The following SLC1A5 variants were observed in gnomAD, a reference collection of about 807,000 sequenced individuals.
SLC1A5 encodes neutral amino acid transporter B(0).
Under a neutral mutation model 34.9 loss-of-function variants are expected in SLC1A5, and 25 were observed. The ratio of observed to expected loss-of-function variants is 0.72; its 90% CI spans 0.52 to 1.00. The LOEUF (loss-of-function observed/expected upper bound fraction) is 1.00. Among genes scored for constraint, SLC1A5 ranks in the 50% least tolerant of loss-of-function variants. SLC1A5 has a pLI of 0.00. For synonymous variants in SLC1A5, 351 were observed against 341.2 expected (o/e 1.03, Z -0.32); for missense variants, 637 against 740.0 (o/e 0.86, Z 1.61).
chr19:46,784,676 C>G (rs373927640), intron 1 of SLC1A5, 117 bp from the exon 2 acceptor site: 3 of 1,602,784 alleles, frequency 1.9e-6, no homozygotes, highest in Non-Finnish European at 2.6e-6. Flanking sequence ...CCCGCCTGCA[C>G]GCAAATACAG....
chr19:46,782,348 C>T, intron 4 of SLC1A5, 35 bp downstream of exon 4: 2 of 551,996 alleles, frequency 3.6e-6, no homozygotes. Flanking sequence ...ACCCTCCAAC[C>T]CCACCCACCC....
chr19:46,784,178 C>G lies in SLC1A5; in HGVS notation c.610-34G>C, dbSNP rs372709629. The G allele has an allele frequency of 3.2e-6, 5 of 1,542,568 alleles. No homozygotes were observed. The African/African-American group carries it at 6.8e-5, about 21-fold the overall frequency. On this transcript the variant is annotated intron_variant, in intron 2 of 7. Transcript: ENST00000542575. ...GGGGTTGGGAAGAGTCAGTGTCCAT[C>G]GTTACCAGGGCCTCCCAACCCCATG...
intron 7 of SLC1A5, 86 bp from the exon 8 acceptor site, chr19:46,775,833 C>A (rs575476661): frequency 1.5e-6 from 2 of 1,373,918 alleles, no homozygotes; most frequent in Non-Finnish European, 1.9e-6. Context: ...CCTCCTGCCT[C>A]TCTCCCCCTG....
rs1016125235 is a variant in SLC1A5, at chr19:46,788,544, G to C, written c.-579C>G. On this transcript the variant is annotated 5_prime_UTR_variant, in exon 1 of 8. Coordinates refer to ENST00000542575, the MANE Select transcript of SLC1A5 (RefSeq NM_005628.3). ...CGGAAGGCGGTGGTCTGGTGTCCGG[G>C]AGTAGCGGTTACCAGCCAGAGAAAG... 5 of 152,582 alleles carry C rather than the reference G, an allele frequency of 3.3e-5. No homozygotes were observed. Among genetic ancestry groups the C allele is most frequent in the Non-Finnish European group, 5.8e-5 (4 of 68,378 alleles). The allele number at this position is 152,582 out of a possible 1,614,324, so 9.5% of individuals were successfully genotyped here.
Position 46,788,175 on chromosome 19 carries a change from G to C in SLC1A5, c.-210C>G, listed in dbSNP as rs1012240636. The C allele has an allele frequency of 6.1e-5, 34 of 557,982 alleles. No homozygotes were observed. The highest frequency in any genetic ancestry group is 9.0e-5 in the Non-Finnish European group (29 of 323,148). 34.6% of individuals were successfully genotyped at this position (557,982 alleles called of 1,614,324 possible). On this transcript the variant is annotated 5_prime_UTR_variant, in exon 1 of 8. Coordinates refer to ENST00000542575, the MANE Select transcript of SLC1A5 (RefSeq NM_005628.3). The stretch of plus-strand genomic sequence containing the variant: ...TTAAATTCCCCAGGCTGGGCGCTGA[G>C]GCTTCTCTGCTCTGCCCCGTGTGCC...
intron 4 of SLC1A5, 37 bp downstream of exon 4, chr19:46,782,346 A>AACCCCCCCCCCCCCCACCCCCCCC: frequency 3.5e-6 from 2 of 567,984 alleles, no homozygotes; most frequent in South Asian, 1.8e-5. Context: ...CGACCCTCCA[A>AACCCCCCCCCCCCCCACCCCCCCC]CCCCACCCAC....
chr19:46,782,339 C>CCCAG, intron 4 of SLC1A5, 44 bp downstream of exon 4: 1 of 831,056 alleles, frequency 1.2e-6, no homozygotes. Context: ...AGCAGACCGA[C>CCCAG]CCTCCAACCC....
At chr19:46,779,042 TG>T (rs1275077541) in intron 4 of SLC1A5, 134 bp from the exon 5 acceptor site, 2 of 619,894 alleles carry the variant, frequency 3.2e-6, no homozygotes, top group African/African-American at 3.7e-5. Context: ...TGCTTCAGCA[TG>T]GGCACCACTC....
chr19:46,775,506 G>C lies in SLC1A5; in HGVS notation c.*4C>G, dbSNP rs774538305. 1 of 1,603,254 alleles carries C rather than the reference G, an allele frequency of 6.2e-7. No individual in the cohort carries two copies. Among genetic ancestry groups the C allele is most frequent in the Admixed American group, 1.7e-5 (1 of 59,162 alleles). ...AGCAGGGCAGGGAAGGTCCCTCCCGGGGTTTACATGACTGATTCCTTCTCA... is the reference window on the plus strand; with the variant it reads ...AGCAGGGCAGGGAAGGTCCCTCCCGCGGTTTACATGACTGATTCCTTCTCA... On this transcript the variant is annotated 3_prime_UTR_variant, in exon 8 of 8. Coordinates refer to ENST00000542575, the MANE Select transcript of SLC1A5 (RefSeq NM_005628.3).
chr19:46,787,350 C>G lies in SLC1A5; in HGVS notation c.566+50G>C. 2 of 1,552,304 alleles carry G rather than the reference C, an allele frequency of 1.3e-6. No individual in the cohort carries two copies. The highest frequency in any genetic ancestry group is 1.4e-5 in the African/African-American group (1 of 73,016). ...GCCCCGTCCTGTCCACGTGACCACTCCCGCCATCCGTAACACTCTTCCCCA... is the reference window on the plus strand; with the variant it reads ...GCCCCGTCCTGTCCACGTGACCACTGCCGCCATCCGTAACACTCTTCCCCA... On this transcript the variant is annotated intron_variant, in intron 1 of 7. Transcript: ENST00000542575. The surrounding 1 kb of genome is among the most constrained non-coding windows in gnomAD (Gnocchi z 5.2).
chr19:46,779,601 G>A (rs997900198), intron 4 of SLC1A5, among the ~76,000 whole-genome samples: 1 of 151,368 alleles, frequency 6.6e-6, no homozygotes. Flanking sequence ...CTCTGCAGAT[G>A]ATGAAAGATA....
intron 7 of SLC1A5, among the ~76,000 whole-genome samples, 172 bp from the exon 8 acceptor site, chr19:46,775,919 A>T (rs1252426035): frequency 1.7e-5 from 2 of 118,366 alleles, no homozygotes; most frequent in Non-Finnish European, 4.2e-5. Flanking sequence ...TATATATTTA[A>T]AAAAAAAAAA....
At chr19:46,786,305 G>T (rs1032860279) in intron 1 of SLC1A5, among the ~76,000 whole-genome samples, 1 of 152,164 alleles carries the variant, frequency 6.6e-6, no homozygotes, top group African/African-American at 2.4e-5. Flanking sequence ...ATGTCATTTG[G>T]TTATAAGCCT....
chr19:46,776,823 C>T, intron 7 of SLC1A5, 152 bp downstream of exon 7: 2 of 802,586 alleles, frequency 2.5e-6, no homozygotes, highest in Admixed American at 2.6e-5. Context: ...CATTCCTTGC[C>T]CTCAGGAATG....
chr19:46,783,750 G>T (rs1429014795), intron 3 of SLC1A5, among the ~76,000 whole-genome samples: 1 of 152,126 alleles, frequency 6.6e-6, no homozygotes, highest in African/African-American at 2.4e-5. Flanking sequence ...TCGTGCCACC[G>T]TACTCCAGCC....
Position 46,787,475 on chromosome 19 carries a change from G to GC in SLC1A5, c.490dup (p.Ala164GlyfsTer46). 1 of 1,593,506 alleles carries GC rather than the reference G, an allele frequency of 6.3e-7. No individual in the cohort carries two copies. Among genetic ancestry groups the GC allele is most frequent in the Non-Finnish European group, 8.5e-7 (1 of 1,170,968 alleles). On this transcript the variant is annotated frameshift_variant, in exon 1 of 8. Transcript: ENST00000542575. LOFTEE classifies it high-confidence loss of function. This position sits in a 1 kb window ranked among gnomAD's most constrained non-coding sequence, Gnocchi z 5.2. ...GGCACTGCCCGCGGCTCCCACGGAG[G>GC]CGTTGATGGCGGCGGAGGCGGCGCC...
Position 46,775,684 on chromosome 19 carries a change from AT to A in SLC1A5, c.1451del (p.Asn484IlefsTer15). 1 of 1,613,978 alleles carries A rather than the reference AT, an allele frequency of 6.2e-7. No individual in the cohort carries two copies. The highest frequency in any genetic ancestry group is 8.5e-7 in the Non-Finnish European group (1 of 1,179,962). On this transcript the variant is annotated frameshift_variant, in exon 8 of 8. Transcript: ENST00000542575. LOFTEE classifies it low-confidence loss of function (END_TRUNC). ...GDALGAGLLQ[N>X]YVDRTESRST... The stretch of plus-strand genomic sequence containing the variant: ...TTCTCGACTCCGTACGGTCCACGTA[AT>A]TTTGGAGGAGTCCTGCCCCCAGAGC...
At chr19:46,775,871 G>A (rs1432717896) in intron 7 of SLC1A5, 124 bp from the exon 8 acceptor site, 1 of 1,026,136 alleles carries the variant, frequency 9.7e-7, no homozygotes, top group African/African-American at 1.6e-5. Context: ...ATTAAGAGTT[G>A]GAGTCAGCCT....
rs1304776435 is a variant in SLC1A5 at position 46,774,933 on chromosome 19, G to T, written c.*577C>A. The T allele has an allele frequency of 1.0e-6, 1 of 985,856 alleles. No homozygotes were observed. The highest frequency in any genetic ancestry group is 1.2e-6 in the Non-Finnish European group (1 of 830,068). 61.1% of individuals were successfully genotyped at this position (985,856 alleles called of 1,614,324 possible). On this transcript the variant is annotated 3_prime_UTR_variant, in exon 8 of 8. Coordinates refer to ENST00000542575, the MANE Select transcript of SLC1A5 (RefSeq NM_005628.3). ...TGCTAAAAAAAATGTCCTCTGGAGT[G>T]ACAGCAGGTATTTGTCCTCAGCCTC...
Sources: allele counts gnomAD v4.1 joint callset (sites outside exome capture counted in the v4.1 genomes callset), GRCh38; gene constraint gnomAD v4.1.1; non-coding constraint Gnocchi (gnomAD v3.1); transcripts MANE v1.5; gene names NCBI Gene and HGNC (gene_info 2026-07-23, HGNC 2026-07-21).